HTR4: variants seen among roughly 807,000 people sequenced by gnomAD.
The protein encoded by HTR4 is 5-hydroxytryptamine receptor 4.
HTR4 carries 16 observed loss-of-function variants against 36.8 expected under a neutral mutation model. The ratio of observed to expected loss-of-function variants is 0.43; its 90% CI spans 0.29 to 0.66. HTR4 has a LOEUF of 0.66. Among genes scored for constraint, HTR4 ranks in the 30% least tolerant of loss-of-function variants. HTR4 has a pLI of 0.13. For synonymous variants in HTR4, 189 were observed against 185.1 expected (o/e 1.02, Z -0.17); for missense variants, 438 against 490.9 (o/e 0.89, Z 1.02).
At chr5:148,506,355 C>A (rs1374133445) in intron 6 of HTR4, among the ~76,000 whole-genome samples, 2 of 152,122 alleles carry the variant, frequency 1.3e-5, no homozygotes, top group Non-Finnish European at 2.9e-5. Context: ...CTTTCTTACA[C>A]CTTATAAAAA....
intron 1 of HTR4, among the ~76,000 whole-genome samples, chr5:148,649,364 T>C (rs1753965360): frequency 6.6e-6 from 1 of 152,184 alleles, no homozygotes; most frequent in Non-Finnish European, 1.5e-5. Context: ...GATTGAGATA[T>C]CAAAAATTAA....
At chr5:148,593,165 A>G (rs1174995965) in intron 2 of HTR4, among the ~76,000 whole-genome samples, 1 of 152,020 alleles carries the variant, frequency 6.6e-6, no homozygotes, top group Non-Finnish European at 1.5e-5. Flanking sequence ...ATAGTTTTCC[A>G]TTTTTGGTTG....
intron 1 of HTR4, among the ~76,000 whole-genome samples, chr5:148,643,046 A>G (rs1023771703): frequency 2.0e-5 from 3 of 152,182 alleles, no homozygotes; most frequent in African/African-American, 7.2e-5. Context: ...TCATTTAGAA[A>G]GATTTAGTCC....
chr5:148,583,568 T>A (rs1761229154), intron 2 of HTR4, among the ~76,000 whole-genome samples: 1 of 151,996 alleles, frequency 6.6e-6, no homozygotes, highest in Non-Finnish European at 1.5e-5. Flanking sequence ...GTTATCATAG[T>A]TACAGCCTCT....
At position 148,460,113 on chromosome 5, in the gene HTR4, C is replaced by T. The variant is rs149715781; in HGVS notation, c.1077-8841G>A. On this transcript the variant is annotated intron_variant, in intron 5 of 5. Transcript: ENST00000521530. ...TCCAAAATTGAAAATAAAAAAAAGA[C>T]AGAAAAAAAATACAGAGCACAGTTT... Among the ~76,000 whole-genome samples, 311 of 147,872 alleles carry T rather than the reference C, an allele frequency of 2.1e-3. 2 individuals are homozygous for T. The highest frequency in any genetic ancestry group is 3.6e-3 in the Non-Finnish European group (240 of 66,764).
chr5:148,604,501 A>T (rs547408765), intron 2 of HTR4, among the ~76,000 whole-genome samples: 1 of 152,326 alleles, frequency 6.6e-6, no homozygotes, highest in East Asian at 1.9e-4. Context: ...ACCTGCTACT[A>T]ACTCAATGTA....
intron 2 of HTR4, among the ~76,000 whole-genome samples, chr5:148,603,725 A>G (rs1168698365): frequency 6.6e-6 from 1 of 152,102 alleles, no homozygotes; most frequent in Non-Finnish European, 1.5e-5. Flanking sequence ...TTGACATAAC[A>G]TCAACAAATA....
intron 4 of HTR4, 58 bp downstream of exon 4, chr5:148,548,610 A>G: frequency 7.5e-7 from 1 of 1,331,444 alleles, no homozygotes; most frequent in Non-Finnish European, 1.1e-6. Flanking sequence ...ACTGCCCAAT[A>G]TCCATCAAGT....
chr5:148,574,683 C>T lies in HTR4; in HGVS notation c.27-24421G>A, dbSNP rs149279477. Among the ~76,000 whole-genome samples the T allele has an allele frequency of 1.9e-3, 291 of 152,184 alleles. 6 individuals carry two copies. The East Asian group carries it at 0.031, about 16-fold the overall frequency. ...CTTCTTAATCTTTCAAAGCTGACCT[C>T]ATCACACCACCACTACTTGCTGGGG... On this transcript the variant is annotated intron_variant, in intron 2 of 6. Coordinates refer to ENST00000377888, the MANE Select transcript of HTR4 (RefSeq NM_000870.7).
At chr5:148,451,352 C>A in intron 5 of HTR4, 2 of 1,600,908 alleles carry the variant, frequency 1.2e-6, no homozygotes, top group South Asian at 1.1e-5. Context: ...TCCTTCTACT[C>A]TTGACTTCCT....
At chr5:148,490,661 A>G (rs1283763786) in intron 6 of HTR4, 5 of 1,174,506 alleles carry the variant, frequency 4.3e-6, no homozygotes, top group African/African-American at 1.6e-5. Context: ...TATTCGGTCA[A>G]TCAACACTTT....
At chr5:148,547,905 C>T (rs952458300) in intron 4 of HTR4, among the ~76,000 whole-genome samples, 1 of 152,158 alleles carries the variant, frequency 6.6e-6, no homozygotes, top group African/African-American at 2.4e-5. Context: ...CCCTAAGATA[C>T]TACTACATTG....
intron 2 of HTR4, among the ~76,000 whole-genome samples, chr5:148,606,649 G>C (rs962690318): frequency 2.6e-5 from 4 of 152,170 alleles, no homozygotes; most frequent in South Asian, 2.1e-4. Flanking sequence ...ATGAAGGAGA[G>C]AGAATCATAC....
At chr5:148,622,126 T>C (rs1364918836) in intron 2 of HTR4, among the ~76,000 whole-genome samples, 1 of 152,176 alleles carries the variant, frequency 6.6e-6, no homozygotes, top group Admixed American at 6.6e-5. Flanking sequence ...TACCTGATCA[T>C]TCCTCCCAAT....
intron 4 of HTR4, among the ~76,000 whole-genome samples, chr5:148,524,670 G>A (rs994270564): frequency 3.3e-5 from 5 of 152,174 alleles, no homozygotes; most frequent in Non-Finnish European, 7.3e-5. Context: ...CTTTGGGAGA[G>A]TACAAAATAG....
intron 2 of HTR4, among the ~76,000 whole-genome samples, chr5:148,615,107 TG>T (rs1181833251): frequency 6.6e-6 from 1 of 151,040 alleles, no homozygotes; most frequent in Non-Finnish European, 1.5e-5. Context: ...TCAACCATTG[TG>T]GAAGTCAGTG....
chr5:148,639,169 C>T (rs1271246797), intron 1 of HTR4, among the ~76,000 whole-genome samples: 1 of 152,168 alleles, frequency 6.6e-6, no homozygotes, highest in Non-Finnish European at 1.5e-5. Context: ...CTCTGAATTA[C>T]TCACCCACAC....
At chr5:148,625,195 G>A (rs1581562683) in intron 2 of HTR4, among the ~76,000 whole-genome samples, 2 of 152,160 alleles carry the variant, frequency 1.3e-5, no homozygotes, top group South Asian at 4.1e-4. Context: ...AGTCAAAAAG[G>A]TGTTTGGAGA....
At chr5:148,552,039 T>A (rs763757633) in intron 2 of HTR4, among the ~76,000 whole-genome samples, 3 of 152,058 alleles carry the variant, frequency 2.0e-5, no homozygotes, top group Non-Finnish European at 4.4e-5. Context: ...TTTCCTGAGC[T>A]CTTTTGACTG....
Sources: gnomAD v4.1 joint callset for allele counts (sites outside exome capture counted in the v4.1 genomes callset) on GRCh38, gnomAD v4.1.1 for gene constraint, MANE v1.5 for transcripts, NCBI Gene and HGNC (gene_info 2026-07-23, HGNC 2026-07-21) for gene names.